TLN2: variants seen among roughly 807,000 people sequenced by gnomAD.
TLN2 encodes talin-2.
In TLN2, 118 loss-of-function variants were observed where a neutral mutation model predicts 294.7. The ratio of observed to expected loss-of-function variants is 0.40; its 90% confidence interval spans 0.34 to 0.47. The LOEUF is 0.47. TLN2 is among the 20% of genes least tolerant of loss of function. TLN2 has a pLI of 0.84. For missense variants in TLN2, 3,083 were observed against 3,282.2 expected (o/e 0.94, Z 1.48); for synonymous variants, 1,431 against 1,304.5 (o/e 1.10, Z -2.09).
intron 1 of TLN2, among the ~76,000 whole-genome samples, chr15:62,406,471 C>G (rs1015624354): frequency 2.0e-5 from 3 of 152,216 alleles, no homozygotes; most frequent in Non-Finnish European, 4.4e-5. Flanking sequence ...TGTGCCTTCT[C>G]CTGCAGAGTA....
intron 2 of TLN2, among the ~76,000 whole-genome samples, chr15:62,600,008 A>G (rs1324765787): frequency 6.6e-6 from 1 of 152,210 alleles, no homozygotes. Context: ...TAGATGACAA[A>G]TGAGCAGAAA....
rs553500468 is a variant in TLN2, at chr15:62,582,190, A to G, written c.-237-7497A>G. Among the ~76,000 whole-genome samples the G allele has an allele frequency of 4.1e-5, 6 of 145,458 alleles. No homozygotes were observed. In the East Asian group the frequency reaches 8.1e-4, roughly 20 times the overall value. The stretch of plus-strand genomic sequence containing the variant: ...CCAGCCATAACTTCAGTGCATGTGT[A>G]TGCATACACACACACACACACACAC... On this transcript the variant is annotated intron_variant, in intron 1 of 58. Coordinates refer to ENST00000636159, the MANE Select transcript of TLN2 (RefSeq NM_015059.3).
intron 1 of TLN2, among the ~76,000 whole-genome samples, chr15:62,565,317 G>T (rs1418660184): frequency 6.6e-6 from 1 of 152,154 alleles, no homozygotes; most frequent in African/African-American, 2.4e-5. Flanking sequence ...AGAAGATATA[G>T]GGACAATTTA....
At chr15:62,663,411 A>G (rs761090526) in intron 9 of TLN2, among the ~76,000 whole-genome samples, 56 of 150,846 alleles carry the variant, frequency 3.7e-4, no homozygotes, top group Non-Finnish European at 5.9e-4. Flanking sequence ...GCTTCTTATC[A>G]ACATGATACT....
chr15:62,764,442 T>C (rs1226176181), intron 40 of TLN2, among the ~76,000 whole-genome samples: 1 of 152,202 alleles, frequency 6.6e-6, no homozygotes, highest in Non-Finnish European at 1.5e-5. Flanking sequence ...CCAGAGTTAG[T>C]ATTGCTCATT....
intron 1 of TLN2, among the ~76,000 whole-genome samples, chr15:62,578,275 T>G (rs2140675734): frequency 6.6e-6 from 1 of 152,282 alleles, no homozygotes; most frequent in Admixed American, 6.5e-5. Flanking sequence ...TGGAAAACAT[T>G]GTTTAATACC....
At chr15:62,737,657 C>T (rs958968105) in intron 29 of TLN2, among the ~76,000 whole-genome samples, 13 of 152,158 alleles carry the variant, frequency 8.5e-5, no homozygotes, top group Admixed American at 8.5e-4. Flanking sequence ...AGGGAGCCAC[C>T]AAACATTTCT....
At chr15:62,441,690 C>T (rs999449082) in intron 1 of TLN2, among the ~76,000 whole-genome samples, 3 of 152,206 alleles carry the variant, frequency 2.0e-5, no homozygotes, top group Admixed American at 6.5e-5. Context: ...TTTAGCCCCA[C>T]AAGATTGCCC....
intron 25 of TLN2, among the ~76,000 whole-genome samples, chr15:62,720,207 T>C (rs957365453): frequency 1.3e-5 from 2 of 152,214 alleles, no homozygotes; most frequent in African/African-American, 2.4e-5. Context: ...GGCATTGCTT[T>C]AGGTTTTTGT....
intron 1 of TLN2, among the ~76,000 whole-genome samples, chr15:62,532,795 C>A (rs2041120285): frequency 6.6e-6 from 1 of 152,152 alleles, no homozygotes; most frequent in Non-Finnish European, 1.5e-5. Flanking sequence ...AATTCCACTT[C>A]CCCAGTCAGT....
At chr15:62,559,066 C>T (rs983236234) in intron 1 of TLN2, among the ~76,000 whole-genome samples, 1 of 152,202 alleles carries the variant, frequency 6.6e-6, no homozygotes, top group Non-Finnish European at 1.5e-5. Context: ...CTTCAAACCC[C>T]TGTGAATGAA....
chr15:62,638,525 G>C (rs1352587264), intron 3 of TLN2: 10 of 455,938 alleles, frequency 2.2e-5, no homozygotes, highest in African/African-American at 6.0e-5. Flanking sequence ...TACCCTCTCT[G>C]TTCACTGTGG....
rs149111340 is a variant in TLN2, at chr15:62,716,321, G to A, written c.2635-10G>A. The A allele has an allele frequency of 3.7e-4, 589 of 1,575,774 alleles. 2 individuals are homozygous for A. The African/African-American group carries it at 7.0e-3, about 19-fold the overall frequency. ...TGGACCACTTGAAATCTTTATTTTT[G>A]CCTTTGCAGGGGGCTGCAGCCAACC... is the stretch of plus-strand genomic sequence containing the variant. On this transcript the variant is annotated splice_polypyrimidine_tract_variant and intron_variant, in intron 22 of 58. Transcript: ENST00000636159.
chr15:62,404,230 A>C (rs1013278326), intron 1 of TLN2, among the ~76,000 whole-genome samples: 1 of 152,196 alleles, frequency 6.6e-6, no homozygotes, highest in Non-Finnish European at 1.5e-5. Flanking sequence ...GTTGAGTGGT[A>C]GAAGGCACCT....
At chr15:62,697,627 C>A in intron 14 of TLN2, 61 bp from the exon 15 acceptor site, 1 of 1,520,156 alleles carries the variant, frequency 6.6e-7, no homozygotes, top group Admixed American at 2.1e-5. Context: ...TCTGTGGGGT[C>A]TCCTCATTGC....
At chr15:62,572,958 G>C (rs116697173) in intron 1 of TLN2, among the ~76,000 whole-genome samples, 6,251 of 151,778 alleles carry the variant, frequency 0.041, 448 homozygotes, top group African/African-American at 0.14. Flanking sequence ...CTTCACCATG[G>C]AGCTGGTGCC....
chr15:62,632,440 A>C (rs2049990680), intron 3 of TLN2, among the ~76,000 whole-genome samples: 1 of 152,152 alleles, frequency 6.6e-6, no homozygotes, highest in African/African-American at 2.4e-5. Context: ...CTAGGCTCTT[A>C]TTCCAGACTT....
At chr15:62,806,240 G>T (rs1302836315) in intron 51 of TLN2, among the ~76,000 whole-genome samples, 1 of 152,164 alleles carries the variant, frequency 6.6e-6, no homozygotes, top group Non-Finnish European at 1.5e-5. Context: ...ACCAGCCTGT[G>T]GGAAATGACT....
chr15:62,555,048 G>A (rs1596109385), intron 1 of TLN2, among the ~76,000 whole-genome samples: 1 of 151,366 alleles, frequency 6.6e-6, no homozygotes, highest in Non-Finnish European at 1.5e-5. Flanking sequence ...TCTTCCCTGT[G>A]ATATTCTTAG....
Sources: gnomAD v4.1 joint callset for allele counts (sites outside exome capture counted in the v4.1 genomes callset) on GRCh38, gnomAD v4.1.1 for gene constraint, MANE v1.5 for transcripts, NCBI Gene and HGNC (gene_info 2026-07-23, HGNC 2026-07-21) for gene names.